The following NRXN1 variants were observed in gnomAD, a reference collection of about 807,000 sequenced individuals.
NRXN1 encodes neurexin-1.
NRXN1 carries 39 observed loss-of-function variants against 150.9 expected under a neutral mutation model. That is an observed-to-expected ratio of 0.26 (90% confidence interval 0.20 to 0.34). NRXN1 has a LOEUF of 0.34. NRXN1 is among the 10% of genes least tolerant of loss of function. The pLI is 1.00. For missense variants in NRXN1, 1,815 were observed against 1,949.9 expected (o/e 0.93, Z 1.30); for synonymous variants, 924 against 757.0 (o/e 1.22, Z -3.62).
intron 17 of NRXN1, among the ~76,000 whole-genome samples, chr2:50,260,775 T>C (rs184996507): frequency 4.0e-5 from 6 of 151,378 alleles, no homozygotes; most frequent in Admixed American, 6.6e-5. Context: ...AACTAAACCA[T>C]AGCAGCTTAA....
intron 17 of NRXN1, among the ~76,000 whole-genome samples, chr2:50,437,143 A>T (rs1185860318): frequency 6.6e-6 from 1 of 152,232 alleles, no homozygotes; most frequent in South Asian, 2.1e-4. Context: ...TATTTTTACA[A>T]AATGACTTAT....
intron 17 of NRXN1, among the ~76,000 whole-genome samples, chr2:50,377,541 T>C (rs1013131493): frequency 6.6e-6 from 1 of 152,176 alleles, no homozygotes; most frequent in Admixed American, 6.5e-5. Flanking sequence ...TTTTATTATG[T>C]TCTCACATTC....
chr2:49,965,803 A>G (rs553450917), intron 21 of NRXN1, among the ~76,000 whole-genome samples: 32 of 152,284 alleles, frequency 2.1e-4, no homozygotes, highest in Admixed American at 1.8e-3. Flanking sequence ...TTCCCACTTC[A>G]TTAGGAACCA....
At chr2:50,394,794 T>C (rs2081958124) in intron 17 of NRXN1, among the ~76,000 whole-genome samples, 1 of 152,114 alleles carries the variant, frequency 6.6e-6, no homozygotes, top group Admixed American at 6.6e-5. Flanking sequence ...CTGAATGATA[T>C]GAGAAGGCAT....
chr2:50,034,537 A>G (rs1283046552), intron 21 of NRXN1, among the ~76,000 whole-genome samples: 1 of 151,972 alleles, frequency 6.6e-6, no homozygotes, highest in African/African-American at 2.4e-5. Flanking sequence ...AAAATAACTA[A>G]TGGGTATTAG....
intron 21 of NRXN1, among the ~76,000 whole-genome samples, chr2:50,037,292 G>A (rs892507421): frequency 2.5e-4 from 37 of 149,564 alleles, no homozygotes; most frequent in African/African-American, 9.2e-4. Context: ...ACAGTTATTT[G>A]GCTCTAATTA....
intron 2 of NRXN1, among the ~76,000 whole-genome samples, chr2:50,927,304 A>AAC (rs1687052740): frequency 6.6e-6 from 1 of 152,054 alleles, no homozygotes; most frequent in Admixed American, 6.6e-5. Context: ...TTGAAGTATC[A>AAC]ACACAGGCAC....
intron 17 of NRXN1, among the ~76,000 whole-genome samples, chr2:50,303,464 A>G (rs2074346653): frequency 6.6e-6 from 1 of 152,140 alleles, no homozygotes; most frequent in Non-Finnish European, 1.5e-5. Context: ...CTTTGGCTTT[A>G]TAGTCTTTAC....
Position 49,920,504 on chromosome 2 carries a change from A to C in NRXN1, c.*1440T>G, listed in dbSNP as rs1668004858. The C allele has an allele frequency of 6.6e-6, 1 of 152,582 alleles. No individual in the cohort carries two copies. The highest frequency in any genetic ancestry group is 6.5e-5 in the Admixed American group (1 of 15,274). The allele number at this position is 152,582 out of a possible 1,614,324, so 9.5% of individuals were successfully genotyped here. On this transcript the variant is annotated 3_prime_UTR_variant, in exon 23 of 23. Coordinates refer to ENST00000401669, the MANE Select transcript of NRXN1 (RefSeq NM_001330078.2). ...CAGTGATATTCTATTTGATAAGGAA[A>C]GGTTCATTTCTTTAGGGACTAAAAT...
chr2:50,205,378 C>A (rs1326283908), intron 18 of NRXN1, among the ~76,000 whole-genome samples: 3 of 151,968 alleles, frequency 2.0e-5, no homozygotes, highest in Non-Finnish European at 4.4e-5. Context: ...CCTAATAGAT[C>A]ATTTATTCTT....
intron 8 of NRXN1, among the ~76,000 whole-genome samples, chr2:50,558,047 C>T (rs1668508955): frequency 6.6e-6 from 1 of 152,136 alleles, no homozygotes; most frequent in Admixed American, 6.5e-5. Context: ...CTAACAACAG[C>T]GGCTACCACT....
chr2:50,085,434 T>C (rs1447929798), intron 19 of NRXN1, among the ~76,000 whole-genome samples: 1 of 152,114 alleles, frequency 6.6e-6, no homozygotes, highest in Admixed American at 6.6e-5. Flanking sequence ...GGAAAAAAAT[T>C]AGTCAAACAT....
chr2:50,303,076 CA>C (rs2074311205), intron 17 of NRXN1, among the ~76,000 whole-genome samples: 1 of 152,114 alleles, frequency 6.6e-6, no homozygotes. Context: ...ACGCTTGAGT[CA>C]AAAATTCTGG....
chr2:50,434,245 G>T (rs1382393663), intron 17 of NRXN1, among the ~76,000 whole-genome samples: 1 of 136,038 alleles, frequency 7.4e-6, no homozygotes, highest in Non-Finnish European at 1.6e-5. Flanking sequence ...ATTTTTTGTT[G>T]TTGTTGTTGC....
chr2:50,635,190 C>T (rs1683046693), intron 5 of NRXN1, among the ~76,000 whole-genome samples: 1 of 151,568 alleles, frequency 6.6e-6, no homozygotes, highest in Non-Finnish European at 1.5e-5. Flanking sequence ...TAGAGTCTCG[C>T]TCTGTCACCC....
chr2:50,099,452 T>TTG (rs1700712634), intron 18 of NRXN1, among the ~76,000 whole-genome samples: 1 of 152,150 alleles, frequency 6.6e-6, no homozygotes, highest in Admixed American at 6.5e-5. Flanking sequence ...ATTCACAAGG[T>TTG]TGTGCAACCA....
intron 2 of NRXN1, among the ~76,000 whole-genome samples, chr2:51,012,110 C>T (rs1204065449): frequency 6.6e-6 from 1 of 151,972 alleles, no homozygotes; most frequent in African/African-American, 2.4e-5. Flanking sequence ...AACTCTTAGA[C>T]CTGTAGTTGA....
intron 13 of NRXN1, among the ~76,000 whole-genome samples, chr2:50,500,909 T>G (rs1462115149): frequency 6.6e-6 from 1 of 152,210 alleles, no homozygotes; most frequent in East Asian, 1.9e-4. Context: ...TGTCCGGTGC[T>G]AGCCTTGGTA....
At chr2:50,911,005 C>T (rs1684436157) in intron 5 of NRXN1, among the ~76,000 whole-genome samples, 1 of 151,886 alleles carries the variant, frequency 6.6e-6, no homozygotes, top group Non-Finnish European at 1.5e-5. Context: ...TCATCAAATC[C>T]CTCCTTAAGA....
Sources: gnomAD v4.1 joint callset for allele counts (sites outside exome capture counted in the v4.1 genomes callset) on GRCh38, gnomAD v4.1.1 for gene constraint, MANE v1.5 for transcripts, NCBI Gene and HGNC (gene_info 2026-07-23, HGNC 2026-07-21) for gene names.